Variants in MAP2K7 observed in about 807,000 individuals in gnomAD.
The protein encoded by MAP2K7 is mitogen-activated protein kinase kinase 7, also known as dual specificity mitogen-activated protein kinase kinase 7.
In MAP2K7, 12 loss-of-function variants were observed where a neutral mutation model predicts 47.7. The ratio of observed to expected loss-of-function variants is 0.25; its 90% confidence interval spans 0.16 to 0.41. The LOEUF (loss-of-function observed/expected upper bound fraction) is 0.41. Among genes scored for constraint, MAP2K7 ranks in the 10% least tolerant of loss-of-function variants. MAP2K7 has a pLI of 1.00. For synonymous variants in MAP2K7, 299 were observed against 243.0 expected (o/e 1.23, Z -2.14); for missense variants, 415 against 600.3 (o/e 0.69, Z 3.23).
intron 1 of MAP2K7, among the ~76,000 whole-genome samples, chr19:7,909,349 T>C (rs539615307): frequency 1.3e-5 from 2 of 152,260 alleles, no homozygotes; most frequent in East Asian, 3.9e-4. Flanking sequence ...TGGCAGGCAC[T>C]CCGCCCTGGC....
Position 7,909,828 on chromosome 19 carries a change from GC to G in MAP2K7, c.204del (p.Ala69ProfsTer32). 6.5e-7 allele frequency: 1 copy of G among 1,538,684 alleles called. No individual in the cohort carries two copies. On this transcript the variant is annotated frameshift_variant, in exon 2 of 11. Coordinates refer to ENST00000397979, the MANE Select transcript of MAP2K7 (RefSeq NM_145185.4). LOFTEE classifies it high-confidence loss of function. ...CAGAGAGCTCCCCGCAGCACCCCAC[GC>G]CCCCCGCCCGGCCCCGCCACATGCT... ...SSESSPQHPTPPARPRHMLGL... is the reference protein window; with the variant it reads ...SSESSPQHPTXPARPRHMLGL...
At position 7,911,504 on chromosome 19, in the gene MAP2K7, C is replaced by G; in HGVS notation, c.1005C>G (p.Val335=). 5.6e-6 allele frequency: 9 copies of G among 1,613,260 alleles called. No individual in the cohort carries two copies. The highest frequency in any genetic ancestry group is 7.6e-6 in the Non-Finnish European group (9 of 1,179,848). Residue 335 remains valine (V), a synonymous_variant, in exon 9 of 11, where the codon GTC becomes GTG. Transcript: ENST00000397979. ...CGGACTTTGAGGTCCTCACCAAAGT[C>G]CTACAGGAAGAGCCCCCGCTTCTGC... ...CKTDFEVLTK[V]LQEEPPLLPG...
intron 1 of MAP2K7, 102 bp from the exon 2 acceptor site, chr19:7,909,653 G>C (rs1982684480): frequency 3.1e-6 from 2 of 653,716 alleles, no homozygotes. Flanking sequence ...AAACCCAGGA[G>C]GGGAAGGTGA....
Position 7,911,230 on chromosome 19 carries a change from T to TCC in MAP2K7, c.856-20_856-19insCC, listed in dbSNP as rs761319079. The TCC allele has an allele frequency of 3.7e-5, 59 of 1,597,936 alleles. 1 individual carries two copies. Among genetic ancestry groups the TCC allele is most frequent in the Non-Finnish European group, 3.2e-5 (37 of 1,168,862 alleles). ...CCGGCCCCAGCCTTGGAGATACGTC[T>TCC]TCTCCTCCCCCCCCTGCAGCCCGAG... On this transcript the variant is annotated intron_variant, in intron 7 of 10. Coordinates refer to ENST00000397979, the MANE Select transcript of MAP2K7 (RefSeq NM_145185.4).
At chr19:7,908,543 C>T (rs960652521) in intron 1 of MAP2K7, among the ~76,000 whole-genome samples, 1 of 152,156 alleles carries the variant, frequency 6.6e-6, no homozygotes, top group Non-Finnish European at 1.5e-5. Context: ...CACCAGGAGC[C>T]TGCAGAACTG....
At chr19:7,912,088 G>A (rs1015895389) in intron 9 of MAP2K7, 61 bp from the exon 10 acceptor site, 2 of 1,525,046 alleles carry the variant, frequency 1.3e-6, no homozygotes, top group African/African-American at 2.7e-5. Context: ...TGAGCACAGG[G>A]GTGGGGCCGG....
At chr19:7,911,372 G>A in intron 8 of MAP2K7, 42 bp downstream of exon 8, 4 of 1,613,382 alleles carry the variant, frequency 2.5e-6, no homozygotes, top group Non-Finnish European at 3.4e-6. Flanking sequence ...AGGAGTGAGG[G>A]CTTCTGGGGG....
intron 1 of MAP2K7, chr19:7,905,849 C>A (rs765299716): frequency 1.2e-6 from 2 of 1,612,342 alleles, no homozygotes; most frequent in Admixed American, 1.7e-5. Context: ...CCCGTCCCAA[C>A]GAGCAGGTAC....
Position 7,911,185 on chromosome 19 carries a change from A to AG in MAP2K7, c.855+31dup, listed in dbSNP as rs747346029. Reference sequence around the variant, plus strand: ...GTGAGTGGGGGCCCCCCAGCGGGGGAGGGGGTGGGGGCTGGGAGGCCGGCC... The same window carrying AG: ...GTGAGTGGGGGCCCCCCAGCGGGGGAGGGGGGTGGGGGCTGGGAGGCCGGCC... On this transcript the variant is annotated intron_variant, in intron 7 of 10. Coordinates refer to ENST00000397979, the MANE Select transcript of MAP2K7 (RefSeq NM_145185.4). 49 of 1,130,884 alleles carry AG rather than the reference A, an allele frequency of 4.3e-5. 1 individual carries two copies. In the South Asian group the frequency reaches 5.2e-4, roughly 12 times the overall value. The allele number at this position is 1,130,884 out of a possible 1,614,324, so 70.1% of individuals were successfully genotyped here.
chr19:7,910,157 G>A (rs765751491), intron 3 of MAP2K7, 28 bp downstream of exon 3: 9 of 1,594,282 alleles, frequency 5.6e-6, no homozygotes, highest in Non-Finnish European at 6.0e-6. Flanking sequence ...GCGGGGAGAG[G>A]GAGGAGGCCC....
rs775374156 is a variant in MAP2K7 at position 7,912,326 on chromosome 19, G to C, written c.1155G>C (p.Thr385=). 2 of 1,613,640 alleles carry C rather than the reference G, an allele frequency of 1.2e-6. No homozygotes were observed. Among genetic ancestry groups the C allele is most frequent in the Non-Finnish European group, 1.7e-6 (2 of 1,179,990 alleles). The change falls in exon 11 of 11, where the codon ACG becomes ACC. Residue 385 remains threonine, a synonymous_variant. Coordinates refer to ENST00000397979, the MANE Select transcript of MAP2K7 (RefSeq NM_145185.4). The part of the protein sequence containing the change: ...LEHSFIKRYE[T]LEVDVASWFK... The stretch of plus-strand genomic sequence containing the variant: ...ACAGCTTCATCAAGCGCTACGAGAC[G>C]CTGGAGGTGGACGTGGCGTCCTGGT...
chr19:7,912,286 C>T lies in MAP2K7; in HGVS notation c.1126-11C>T, dbSNP rs748547199. The T allele has an allele frequency of 5.0e-6, 8 of 1,613,638 alleles. No individual in the cohort carries two copies. In the East Asian group the frequency reaches 8.9e-5, roughly 18 times the overall value. On this transcript the variant is annotated splice_polypyrimidine_tract_variant and intron_variant, in intron 10 of 10. Coordinates refer to ENST00000397979, the MANE Select transcript of MAP2K7 (RefSeq NM_145185.4). ...CGTCTCCTCCTAAGCCCCACCCCCT[C>T]GGGCCCACAGGAACACAGCTTCATC...
At chr19:7,909,255 G>A (rs773786661) in intron 1 of MAP2K7, among the ~76,000 whole-genome samples, 4 of 152,216 alleles carry the variant, frequency 2.6e-5, no homozygotes, top group African/African-American at 4.8e-5. Context: ...TCTCGTGCCC[G>A]CTGCCTCCCC....
At position 7,910,790 on chromosome 19, in the gene MAP2K7, A is replaced by G. The variant is rs372316207; in HGVS notation, c.662A>G (p.Lys221Arg). ...QGPIPERILG[K>R]MTVAIVKALY... is the part of the protein sequence containing the mutation. ...CCCATCCCCGAGCGCATTCTGGGCA[A>G]GATGACAGTGGCGGTGAGTGACCAG... The change falls in exon 6 of 11, where the codon AAG (lysine) becomes AGG (arginine). Residue 221 changes from lysine (K) to arginine (R), a missense_variant. Physicochemically the swap from Lys to Arg is conservative, Grantham distance 26. Transcript: ENST00000397979. 3.1e-6 allele frequency: 5 copies of G among 1,588,464 alleles called. No individual in the cohort carries two copies. In the East Asian group the frequency reaches 9.2e-5, roughly 29 times the overall value.
intron 1 of MAP2K7, among the ~76,000 whole-genome samples, chr19:7,904,975 C>T (rs1426371328): frequency 6.6e-6 from 1 of 151,726 alleles, no homozygotes; most frequent in Non-Finnish European, 1.5e-5. Flanking sequence ...ACCTCGGTAC[C>T]TACCTCCCTG....
rs1983164429 is a variant in MAP2K7 at position 7,914,425 on chromosome 19, CCCT to C, written c.*1996_*1998del. The C allele has an allele frequency of 6.6e-6, 1 of 152,322 alleles. No homozygotes were observed. Among genetic ancestry groups the C allele is most frequent in the South Asian group, 2.1e-4 (1 of 4,838 alleles). The allele number at this position is 152,322 out of a possible 1,614,324, so 9.4% of individuals were successfully genotyped here. On this transcript the variant is annotated 3_prime_UTR_variant, in exon 11 of 11. Coordinates refer to ENST00000397979, the MANE Select transcript of MAP2K7 (RefSeq NM_145185.4). ...CCCTGCCCCTTTTTAAAACAAAATG[CCCT>C]CGTTTGTAAACCCTTAGACGCTTGA...
chr19:7,905,908 G>T, intron 1 of MAP2K7: 1 of 1,543,508 alleles, frequency 6.5e-7, no homozygotes, highest in Non-Finnish European at 8.9e-7. Context: ...TGACCTAACC[G>T]CTGCCCCGGC....
intron 1 of MAP2K7, 28 bp downstream of exon 1, chr19:7,904,096 C>T: frequency 3.2e-4 from 6 of 18,470 alleles, no homozygotes; most frequent in Non-Finnish European, 6.3e-4. Context: ...GGGGAGGGGG[C>T]GGGCGGGCGG....
chr19:7,904,181 T>A, intron 1 of MAP2K7, 113 bp downstream of exon 1: 1 of 841,694 alleles, frequency 1.2e-6, no homozygotes, highest in Non-Finnish European at 1.5e-6. Context: ...CTCGCTCTCC[T>A]CTCCGCCCCC....
Sources: gnomAD v4.1 joint callset for allele counts (sites outside exome capture counted in the v4.1 genomes callset) on GRCh38, gnomAD v4.1.1 for gene constraint, MANE v1.5 for transcripts, NCBI Gene and HGNC (gene_info 2026-07-23, HGNC 2026-07-21) for gene names.